STOX2: variants seen among roughly 807,000 people sequenced by gnomAD.
STOX2 encodes the protein storkhead-box protein 2.
Under a neutral mutation model 60.9 loss-of-function variants are expected in STOX2, and 28 were observed. The observed-to-expected ratio is 0.46, with a 90% CI of 0.34 to 0.63. STOX2 has a LOEUF of 0.63. STOX2 is among the 30% of genes least tolerant of loss of function. The probability of loss-of-function intolerance (pLI) is 0.01; values close to 1 mark genes in which losing one functional copy is unlikely to be tolerated. For synonymous variants in STOX2, 472 were observed against 463.9 expected (o/e 1.02, Z -0.22); for missense variants, 1,024 against 1,187.7 (o/e 0.86, Z 2.03).
chr4:183,997,158 C>T (rs1177185715), intron 1 of STOX2, among the ~76,000 whole-genome samples: 3 of 152,136 alleles, frequency 2.0e-5, no homozygotes, highest in East Asian at 1.9e-4. Flanking sequence ...ACAGTAAACT[C>T]GGCTGTGATG....
chr4:183,944,082 T>G (rs1324140832), intron 1 of STOX2, among the ~76,000 whole-genome samples: 2 of 152,210 alleles, frequency 1.3e-5, no homozygotes, highest in Non-Finnish European at 2.9e-5. Flanking sequence ...ATAAATGTTC[T>G]GAGTGTAGAT....
intron 1 of STOX2, among the ~76,000 whole-genome samples, chr4:183,947,184 T>G (rs1742919870): frequency 6.6e-6 from 1 of 152,238 alleles, no homozygotes; most frequent in Non-Finnish European, 1.5e-5. Context: ...TTTAAATTAA[T>G]TCTACATGTG....
chr4:183,831,971 T>A (rs533288143), intron 1 of STOX2, among the ~76,000 whole-genome samples: 2 of 151,388 alleles, frequency 1.3e-5, no homozygotes, highest in Admixed American at 6.6e-5. Context: ...TGCAGTTCAT[T>A]CATTTCTTCT....
At position 183,909,123 on chromosome 4, in the gene STOX2, G is replaced by A. The variant is rs565261335; in HGVS notation, c.166+2167G>A. ...AATGAAGATTGGGAGAGTAGGTGGAGTCTTTCTCATGTGCAACTCTTTTGG... is the reference window on the plus strand; with the variant it reads ...AATGAAGATTGGGAGAGTAGGTGGAATCTTTCTCATGTGCAACTCTTTTGG... On this transcript the variant is annotated intron_variant, in intron 1 of 3. Transcript: ENST00000308497. Among the ~76,000 whole-genome samples, 39 of 152,312 alleles carry A rather than the reference G, an allele frequency of 2.6e-4. No individual in the cohort carries two copies. In the South Asian group the frequency reaches 3.7e-3, roughly 15 times the overall value.
At chr4:183,899,989 T>G (rs965343933) in intron 1 of STOX2, among the ~76,000 whole-genome samples, 1 of 152,100 alleles carries the variant, frequency 6.6e-6, no homozygotes, top group Non-Finnish European at 1.5e-5. Flanking sequence ...CGATGCTCAT[T>G]TACTATACCA....
intron 1 of STOX2, among the ~76,000 whole-genome samples, chr4:183,985,412 G>A (rs1056549444): frequency 2.6e-5 from 4 of 152,120 alleles, no homozygotes; most frequent in Admixed American, 6.5e-5. Context: ...GAACAGACTC[G>A]AGAGCCAGCT....
At chr4:183,813,373 A>T (rs1347662519) in intron 1 of STOX2, among the ~76,000 whole-genome samples, 1 of 152,046 alleles carries the variant, frequency 6.6e-6, no homozygotes, top group Non-Finnish European at 1.5e-5. Flanking sequence ...ACAGAGTGAG[A>T]CCCTGTCTCA....
intron 1 of STOX2, among the ~76,000 whole-genome samples, chr4:183,997,254 T>C (rs548522175): frequency 2.3e-3 from 345 of 152,300 alleles, no homozygotes; most frequent in African/African-American, 7.9e-3. Context: ...AAGCCAGTCT[T>C]GAAAGGTCGA....
rs148385537 is a variant in STOX2 at position 183,906,965 on chromosome 4, G to A, written c.166+9G>A. The A allele has an allele frequency of 1.2e-3, 1,828 of 1,520,106 alleles. 20 individuals are homozygous for A. In the African/African-American group the frequency reaches 0.022, roughly 18 times the overall value. The allele number at this position is 1,520,106 out of a possible 1,614,324, so 94.2% of individuals were successfully genotyped here. A position where few individuals can be genotyped will look rare whatever the true frequency, so the allele number is the denominator to read the frequency against. ...GGGCTACATGACATCAGGTTGGTTGGTGACCGCGTTTCTGCCCCCGGGCCG... is the reference window on the plus strand; with the variant it reads ...GGGCTACATGACATCAGGTTGGTTGATGACCGCGTTTCTGCCCCCGGGCCG... On this transcript the variant is annotated intron_variant, in intron 1 of 3. Transcript: ENST00000308497.
chr4:183,837,704 CT>C (rs1222980727), intron 1 of STOX2, among the ~76,000 whole-genome samples: 1 of 152,198 alleles, frequency 6.6e-6, no homozygotes, highest in African/African-American at 2.4e-5. Context: ...AGTGATCCCC[CT>C]GCCTCAGCCT....
At chr4:184,006,062 A>G (rs897230099) in intron 2 of STOX2, among the ~76,000 whole-genome samples, 4 of 152,174 alleles carry the variant, frequency 2.6e-5, no homozygotes, top group Admixed American at 2.6e-4. Flanking sequence ...TTGTAGTCAT[A>G]ATTCTATACA....
upstream of STOX2, among the ~76,000 whole-genome samples, chr4:183,902,162 T>A (rs1741477153): frequency 6.6e-6 from 1 of 152,216 alleles, no homozygotes; most frequent in Non-Finnish European, 1.5e-5. Context: ...CAACAATGAA[T>A]AAGACAGAAA....
intron 1 of STOX2, among the ~76,000 whole-genome samples, chr4:183,963,766 C>G (rs527506595): frequency 4.8e-5 from 7 of 145,694 alleles, no homozygotes; most frequent in Non-Finnish European, 9.0e-5. Flanking sequence ...AAAATGCAAC[C>G]TTACTGGCTT....
At chr4:183,827,041 G>A (rs1369340610) in intron 1 of STOX2, among the ~76,000 whole-genome samples, 7 of 152,178 alleles carry the variant, frequency 4.6e-5, no homozygotes, top group African/African-American at 1.7e-4. Context: ...CACCATCTGA[G>A]GAAACTGAGG....
intron 1 of STOX2, among the ~76,000 whole-genome samples, chr4:183,862,461 G>T (rs1740471640): frequency 6.6e-6 from 1 of 152,182 alleles, no homozygotes; most frequent in African/African-American, 2.4e-5. Context: ...CCCAGCCAAT[G>T]TTAAGTGTTA....
intron 1 of STOX2, among the ~76,000 whole-genome samples, chr4:183,818,971 C>T (rs1739231519): frequency 6.6e-6 from 1 of 152,064 alleles, no homozygotes. Flanking sequence ...AGGGGCTCCT[C>T]ACATCTCAGA....
At chr4:183,883,183 A>G (rs145052388) in intron 1 of STOX2, among the ~76,000 whole-genome samples, 381 of 152,308 alleles carry the variant, frequency 2.5e-3, no homozygotes, top group African/African-American at 8.6e-3. Context: ...TAATTCATCC[A>G]TAAATATTTC....
chr4:183,897,535 T>TG (rs1269268681), intron 1 of STOX2, among the ~76,000 whole-genome samples: 1 of 152,230 alleles, frequency 6.6e-6, no homozygotes, highest in African/African-American at 2.4e-5. Flanking sequence ...ACTGAGGTCA[T>TG]GGTGAGCTAG....
chr4:183,868,451 C>T (rs1740620830), intron 1 of STOX2, among the ~76,000 whole-genome samples: 1 of 152,170 alleles, frequency 6.6e-6, no homozygotes, highest in South Asian at 2.1e-4. Context: ...AAAATTGTTT[C>T]TCTATGTATG....
Sources: gnomAD v4.1 joint callset for allele counts (sites outside exome capture counted in the v4.1 genomes callset) on GRCh38, gnomAD v4.1.1 for gene constraint, MANE v1.5 for transcripts, NCBI Gene and HGNC (gene_info 2026-07-23, HGNC 2026-07-21) for gene names.